The following SUPT6H variants were observed in gnomAD, a reference collection of about 807,000 sequenced individuals.
SUPT6H encodes transcription elongation factor SPT6.
In SUPT6H, 11 loss-of-function variants were observed where a neutral mutation model predicts 222.3. The ratio of observed to expected loss-of-function variants is 0.05; its 90% CI spans 0.03 to 0.08. SUPT6H has a LOEUF of 0.08. SUPT6H is among the 10% of genes least tolerant of loss of function. The probability of loss-of-function intolerance (pLI) is 1.00; values close to 1 mark genes in which losing one functional copy is unlikely to be tolerated. For missense variants in SUPT6H, 1,422 were observed against 2,216.0 expected (o/e 0.64, Z 7.19); for synonymous variants, 762 against 801.2 (o/e 0.95, Z 0.83).
chr17:28,671,881 A>G (rs895841548), intron 1 of SUPT6H, among the ~76,000 whole-genome samples: 5 of 152,220 alleles, frequency 3.3e-5, no homozygotes, highest in South Asian at 4.1e-4. Context: ...GGCATGTCCA[A>G]TAATTTGCTT....
intron 32 of SUPT6H, among the ~76,000 whole-genome samples, chr17:28,699,570 T>G (rs1177094952): frequency 2.0e-5 from 3 of 152,306 alleles, no homozygotes; most frequent in South Asian, 2.1e-4. Flanking sequence ...GCAGTCCGTA[T>G]GCAGCACACA....
At chr17:28,663,739 T>G (rs1218800651) in intron 1 of SUPT6H, among the ~76,000 whole-genome samples, 2 of 151,536 alleles carry the variant, frequency 1.3e-5, no homozygotes, top group Non-Finnish European at 2.9e-5. Flanking sequence ...AAATTTCCAT[T>G]CATAGATTTC....
chr17:28,689,153 C>A, intron 24 of SUPT6H: 1 of 565,198 alleles, frequency 1.8e-6, no homozygotes, highest in Non-Finnish European at 3.1e-6. Context: ...TTTTGCAGTG[C>A]ATTTTTCACG....
At position 28,684,839 on chromosome 17, in the gene SUPT6H, G is replaced by T. The variant is rs769414883; in HGVS notation, c.2370-5G>T. On this transcript the variant is annotated splice_polypyrimidine_tract_variant and splice_region_variant and intron_variant, in intron 18 of 36. Coordinates refer to ENST00000314616, the MANE Select transcript of SUPT6H (RefSeq NM_003170.5). ...TGCATTCTTGTTTTTCTGTCTGTCT[G>T]GCAGAGATCACCCTGTGTTCTGCGC... 1 of 1,614,016 alleles carries T rather than the reference G, an allele frequency of 6.2e-7. No individual in the cohort carries two copies. The highest frequency in any genetic ancestry group is 2.2e-5 in the East Asian group (1 of 44,878).
At chr17:28,674,660 C>A (rs2030629164) in intron 4 of SUPT6H, 47 bp downstream of exon 4, 2 of 1,580,982 alleles carry the variant, frequency 1.3e-6, no homozygotes, top group Non-Finnish European at 1.7e-6. Context: ...AAGGAAAAAG[C>A]CCTGGAAATT....
chr17:28,679,138 G>A (rs1337410307), intron 11 of SUPT6H, among the ~76,000 whole-genome samples, 175 bp downstream of exon 11: 5 of 152,170 alleles, frequency 3.3e-5, no homozygotes, highest in Admixed American at 2.0e-4. Flanking sequence ...TTGGGAGGCC[G>A]AGGCGGGCAG....
chr17:28,667,401 GTGTGTATATATATATATATA>G (rs1284737877), intron 1 of SUPT6H, among the ~76,000 whole-genome samples: 2 of 20,032 alleles, frequency 1.0e-4, no homozygotes, highest in Admixed American at 5.0e-4. Flanking sequence ...AAAAGTGTGT[GTGTGTATATATATATATATA>G]TATATATATA....
rs572399687 is a variant in SUPT6H, at chr17:28,678,807, C to T, written c.1207-14C>T. 6.2e-7 allele frequency: 1 copy of T among 1,614,124 alleles called. No individual in the cohort carries two copies. Among genetic ancestry groups the T allele is most frequent in the South Asian group, 1.1e-5 (1 of 91,078 alleles). The stretch of plus-strand genomic sequence containing the variant: ...CTGAACACAAGCTCTCATTCCTGCC[C>T]TACTTCACCTTAGTGGACCCAGCTG... On this transcript the variant is annotated splice_polypyrimidine_tract_variant and intron_variant, in intron 10 of 36. Coordinates refer to ENST00000314616, the MANE Select transcript of SUPT6H (RefSeq NM_003170.5).
rs780513625 is a variant in SUPT6H at position 28,678,896 on chromosome 17, A to G, written c.1282A>G (p.Ile428Val). The change falls in exon 11 of 37, where the codon ATC becomes GTC. Residue 428 changes from isoleucine (I) to valine (V), a missense_variant. Physicochemically the swap from Ile to Val is conservative, Grantham distance 29. This residue lies in a region of SUPT6H where 389 missense variants were observed against 544.6 expected (regional missense o/e 0.71). Coordinates refer to ENST00000314616, the MANE Select transcript of SUPT6H (RefSeq NM_003170.5). ...EKMQAYQYEQ[I>V]SADPDKPLAD... Reference sequence around the variant, plus strand: ...GATGCAGGCTTATCAGTATGAACAGATCTCTGCTGACCCTGACAAACCTCT... The same window carrying G: ...GATGCAGGCTTATCAGTATGAACAGGTCTCTGCTGACCCTGACAAACCTCT... 5.0e-6 allele frequency: 8 copies of G among 1,614,092 alleles called. No individual in the cohort carries two copies. Among genetic ancestry groups the G allele is most frequent in the Non-Finnish European group, 6.8e-6 (8 of 1,180,040 alleles).
chr17:28,678,778 A>G, intron 10 of SUPT6H, 43 bp from the exon 11 acceptor site: 1 of 1,613,890 alleles, frequency 6.2e-7, no homozygotes, highest in Non-Finnish European at 8.5e-7. Context: ...TTGAGTCTCC[A>G]GGGCTGAACA....
At position 28,683,017 on chromosome 17, in the gene SUPT6H, T is replaced by C. The variant is rs777732217; in HGVS notation, c.1803T>C (p.Leu601=). The change falls in exon 15 of 37, where the codon CTT becomes CTC. Residue 601 remains leucine, a synonymous_variant. Coordinates refer to ENST00000314616, the MANE Select transcript of SUPT6H (RefSeq NM_003170.5). ...CCCTGCAGATTGCCCGTGAGCCCCT[T>C]GTCCGGCAGGTGCTGAGGCAAACCT... ...MVALQIAREP[L]VRQVLRQTFQ... is the part of the protein sequence containing the mutation. The C allele has an allele frequency of 1.1e-5, 17 of 1,614,018 alleles. No individual in the cohort carries two copies. The Middle Eastern group carries it at 5.0e-4, about 47-fold the overall frequency.
In SUPT6H at chr17:28,690,163, C is replaced by T. The variant is rs1371024958; in HGVS notation, c.3424C>T (p.Arg1142Cys). The T allele has an allele frequency of 1.2e-5, 20 of 1,613,744 alleles. No individual in the cohort carries two copies. The highest frequency in any genetic ancestry group is 1.5e-5 in the Non-Finnish European group (18 of 1,180,024). Residue 1142 changes from arginine (R) to cysteine (C), a missense_variant, in exon 26 of 37, where the codon CGC (arginine) becomes TGC (cysteine). Around this residue, in one of 13 missense-constraint regions of SUPT6H, gnomAD observed 60 missense variants for 96.7 expected, o/e 0.62. Transcript: ENST00000314616. ...ATATAAGGACCTCCGGACAGCCTAC[C>T]GCTCTCCCAACACAGAGGAGATCTT... Reference protein sequence around the residue: ...CRYKDLRTAYRSPNTEEIFNM... With the variant: ...CRYKDLRTAYCSPNTEEIFNM...
At chr17:28,682,066 A>C in intron 13 of SUPT6H, 86 bp downstream of exon 13, 1 of 1,112,028 alleles carries the variant, frequency 9.0e-7, no homozygotes, top group Non-Finnish European at 1.3e-6. Context: ...TAGGAAAAAG[A>C]AAGGCTATCT....
intron 11 of SUPT6H, 30 bp downstream of exon 11, chr17:28,678,993 G>T: frequency 6.2e-7 from 1 of 1,613,694 alleles, no homozygotes; most frequent in Non-Finnish European, 8.5e-7. Flanking sequence ...TTCCATTATG[G>T]GAAGCCCTCA....
In SUPT6H at chr17:28,692,299, G is replaced by A. The variant is rs186395120; in HGVS notation, c.3633+1236G>A. Among the ~76,000 whole-genome samples, 31 of 144,324 alleles carry A rather than the reference G, an allele frequency of 2.1e-4. 1 individual carries two copies. Among genetic ancestry groups the A allele is most frequent in the Admixed American group, 4.1e-4 (6 of 14,496 alleles). The allele number at this position is 144,324 out of a possible 152,430, so 94.7% of individuals were successfully genotyped here. A position where few individuals can be genotyped will look rare whatever the true frequency, so the allele number is the denominator to read the frequency against. ...AGATTGCACCACTGTACTCCAGCCT[G>A]GGCGACAGCGAGACTCTGTCTCAAA... On this transcript the variant is annotated intron_variant, in intron 27 of 36. Transcript: ENST00000314616.
chr17:28,670,926 C>T (rs2030377346), intron 1 of SUPT6H: 1 of 152,428 alleles, frequency 6.6e-6, no homozygotes, highest in Admixed American at 6.6e-5. Context: ...CTCTTCAAAT[C>T]CCCAGCTCTT....
In SUPT6H at chr17:28,677,733, A is replaced by C; in HGVS notation, c.916A>C (p.Lys306Gln). The change falls in exon 8 of 37, where the codon AAG (lysine) becomes CAG (glutamine). Residue 306 changes from lysine (K) to glutamine (Q), a missense_variant. Physicochemically the swap from Lys to Gln is moderately conservative, Grantham distance 53 (BLOSUM62 1). Transcript: ENST00000314616. ...ACTCCAGCTCCGCTCCATCCCAGTC[A>C]AGGGGGCTGAAGATGATGAACTAGA... The part of the protein sequence containing the change: ...ERFQLRSIPV[K>Q]GAEDDELEEE... 2 of 1,614,192 alleles carry C rather than the reference A, an allele frequency of 1.2e-6. No homozygotes were observed. The highest frequency in any genetic ancestry group is 2.2e-5 in the South Asian group (2 of 91,086).
chr17:28,662,565 G>C (rs1244168222), intron 1 of SUPT6H, among the ~76,000 whole-genome samples: 1 of 152,146 alleles, frequency 6.6e-6, no homozygotes, highest in Admixed American at 6.5e-5. Flanking sequence ...CCGTGAATCG[G>C]GTGGCACGTT....
chr17:28,695,502 G>A lies in SUPT6H; in HGVS notation c.3925G>A (p.Asp1309Asn). The change falls in exon 29 of 37, where the codon GAC (aspartate) becomes AAC (asparagine). Residue 1309 changes from aspartate (D) to asparagine (N), a missense_variant. Physicochemically the swap from Asp to Asn is conservative, Grantham distance 23. Around this residue, in one of 13 missense-constraint regions of SUPT6H, gnomAD observed 395 missense variants for 580.6 expected, o/e 0.68. Transcript: ENST00000314616. ...CTATGACTTTGATGCTGAAGCTGCA[G>A]ACCACAAGCAGGAGGAGGACATGAA... ...TYYDFDAEAADHKQEEDMKRK... is the reference protein window; with the variant it reads ...TYYDFDAEAANHKQEEDMKRK... The A allele has an allele frequency of 6.2e-7, 1 of 1,614,110 alleles. No individual in the cohort carries two copies. Among genetic ancestry groups the A allele is most frequent in the Non-Finnish European group, 8.5e-7 (1 of 1,180,036 alleles).
Sources: gnomAD v4.1 joint callset for allele counts (sites outside exome capture counted in the v4.1 genomes callset) on GRCh38, gnomAD v4.1.1 for gene constraint, gnomAD v4.1.1 regional missense constraint, MANE v1.5 for transcripts, NCBI Gene and HGNC (gene_info 2026-07-23, HGNC 2026-07-21) for gene names.